Variants in PCAT7 observed in about 807,000 individuals in gnomAD.
PCAT7 encodes prostate cancer associated transcript 7, also known as prostate cancer associated transcript 7 (non-protein coding).
chr9:94,563,869 C>A (rs1402243824), intron 2 of PCAT7, among the ~76,000 whole-genome samples: 2 of 152,074 alleles, frequency 1.3e-5, no homozygotes, highest in African/African-American at 4.8e-5. Flanking sequence ...GACTTTAAAC[C>A]AATAAAGTTC....
intron 2 of PCAT7, chr9:94,568,896 C>G (rs1274181471): frequency 6.6e-6 from 1 of 152,266 alleles, no homozygotes; most frequent in Non-Finnish European, 1.5e-5. Flanking sequence ...CTCAAATCCT[C>G]TTTAGAATTA....
At chr9:94,557,431 A>G (rs1444228547) in intron 1 of PCAT7, among the ~76,000 whole-genome samples, 1 of 152,238 alleles carries the variant, frequency 6.6e-6, no homozygotes, top group Non-Finnish European at 1.5e-5. Flanking sequence ...TGGGAAAAGA[A>G]GAAAATCTTT....
intron 1 of PCAT7, among the ~76,000 whole-genome samples, chr9:94,556,581 T>G (rs1310967766): frequency 6.6e-6 from 1 of 152,194 alleles, no homozygotes; most frequent in African/African-American, 2.4e-5. Flanking sequence ...TCTTTAGATG[T>G]TTTGTGTATT....
chr9:94,566,884 G>A lies in PCAT7; in HGVS notation n.442-6095G>A, dbSNP rs186170977. Among the ~76,000 whole-genome samples, 123 of 152,170 alleles carry A rather than the reference G, an allele frequency of 8.1e-4. 1 individual carries two copies. Among genetic ancestry groups the A allele is most frequent in the African/African-American group, 2.7e-3 (113 of 41,516 alleles). ...ATCTCTTTTAATTTCATTTTTCCAT[G>A]AACTTTTTGAAGGCCTCTCATATAA... is the stretch of plus-strand genomic sequence containing the variant. On this transcript the variant is annotated intron_variant and non_coding_transcript_variant, in intron 2 of 8. Coordinates refer to ENST00000647389, the Ensembl canonical transcript of PCAT7.
chr9:94,563,221 C>T, intron 2 of PCAT7: 1 of 1,150,414 alleles, frequency 8.7e-7, no homozygotes, highest in Non-Finnish European at 1.2e-6. Flanking sequence ...TTTTTCCTCC[C>T]CTGCCCATCC....
At chr9:94,565,764 CATAGATGATAGATAGATAG>C (rs886346275) in intron 2 of PCAT7, among the ~76,000 whole-genome samples, 10 of 60,122 alleles carry the variant, frequency 1.7e-4, no homozygotes, top group Non-Finnish European at 1.6e-4. Flanking sequence ...AAAATAGATA[CATAGATGATAGATAGATAG>C]ATAGATGATA....
intron 2 of PCAT7, chr9:94,568,375 ATC>A (rs1827224251): frequency 2.0e-5 from 3 of 152,332 alleles, no homozygotes; most frequent in South Asian, 4.1e-4. Context: ...CCTGCAGGGC[ATC>A]TCTCAAATAC....
chr9:94,558,724 C>CA (rs1827046106), intron 1 of PCAT7: 5 of 531,904 alleles, frequency 9.4e-6, no homozygotes, highest in Non-Finnish European at 1.3e-5. Context: ...TCGCACTTTC[C>CA]ACATGTGGGT....
chr9:94,570,201 G>T (rs1473886247), intron 2 of PCAT7: 1 of 152,180 alleles, frequency 6.6e-6, no homozygotes, highest in African/African-American at 2.4e-5. Flanking sequence ...CTTTGAATTG[G>T]GTCCCTGAGT....
intron 2 of PCAT7, chr9:94,567,228 G>A (rs762140370): frequency 1.1e-5 from 18 of 1,610,764 alleles, no homozygotes; most frequent in Middle Eastern, 1.9e-4. Context: ...ACCCCATGGG[G>A]ACAGCATTCT....
chr9:94,570,334 G>T (rs565399147), intron 2 of PCAT7: 1 of 152,310 alleles, frequency 6.6e-6, no homozygotes, highest in East Asian at 1.9e-4. Flanking sequence ...GACTGCTGGA[G>T]CATGACTCCT....
intron 3 of PCAT7, among the ~76,000 whole-genome samples, chr9:94,574,455 G>T (rs544300122): frequency 3.1e-4 from 47 of 151,990 alleles, no homozygotes; most frequent in African/African-American, 1.0e-3. Flanking sequence ...TTTTTATTTT[G>T]TAAGTTGTCT....
chr9:94,565,779 GATA>G (rs1173211393), intron 2 of PCAT7, among the ~76,000 whole-genome samples: 2 of 65,366 alleles, frequency 3.1e-5, no homozygotes, highest in Non-Finnish European at 6.6e-5. Context: ...ATGATAGATA[GATA>G]GATAGATGAT....
intron 2 of PCAT7, among the ~76,000 whole-genome samples, chr9:94,571,121 A>G (rs2131450495): frequency 6.6e-6 from 1 of 152,322 alleles, no homozygotes; most frequent in Middle Eastern, 3.4e-3. Context: ...TAACGAACCC[A>G]TGCTTCTGCT....
At chr9:94,571,449 A>G in intron 2 of PCAT7, 1 of 1,604,584 alleles carries the variant, frequency 6.2e-7, no homozygotes, top group Non-Finnish European at 8.5e-7. Context: ...ATGATGCCAT[A>G]TTCTGTACCT....
chr9:94,569,695 C>T (rs1827244848), intron 2 of PCAT7: 1 of 152,226 alleles, frequency 6.6e-6, no homozygotes, highest in Non-Finnish European at 1.5e-5. Context: ...ACACCAGATC[C>T]TGGTCACAAG....
intron 2 of PCAT7, among the ~76,000 whole-genome samples, chr9:94,565,386 A>AAAAGG (rs35802953): frequency 3.3e-5 from 1 of 29,856 alleles, no homozygotes; most frequent in Non-Finnish European, 6.1e-5. Flanking sequence ...AAAAAAAAAA[A>AAAAGG]GATGTTCCCA....
chr9:94,562,015 G>T (rs1827112700), intron 2 of PCAT7, among the ~76,000 whole-genome samples: 2 of 152,104 alleles, frequency 1.3e-5, no homozygotes, highest in South Asian at 4.1e-4. Flanking sequence ...GTGGTTCTAA[G>T]AATTTCCATG....
chr9:94,567,075 C>A (rs1827200078), intron 2 of PCAT7, among the ~76,000 whole-genome samples: 1 of 152,120 alleles, frequency 6.6e-6, no homozygotes, highest in Non-Finnish European at 1.5e-5. Context: ...ATAAGTACTA[C>A]CTTTAGAAGG....
Sources: gnomAD v4.1 joint callset for allele counts (sites outside exome capture counted in the v4.1 genomes callset) on GRCh38, gnomAD v4.1.1 for gene constraint, MANE v1.5 for transcripts, NCBI Gene and HGNC (gene_info 2026-07-23, HGNC 2026-07-21) for gene names.